The following TBC1D8 variants were observed in gnomAD, a reference collection of about 807,000 sequenced individuals.
TBC1D8 encodes the protein TBC1 domain family member 8.
A neutral mutation model predicts 118.8 loss-of-function variants in TBC1D8; 65 were observed. The ratio of observed to expected loss-of-function variants is 0.55; its 90% CI spans 0.45 to 0.67. The LOEUF (loss-of-function observed/expected upper bound fraction) is 0.67, where lower values mean the gene tolerates loss of function less well. Among genes scored for constraint, TBC1D8 ranks in the 30% least tolerant of loss-of-function variants. TBC1D8 has a pLI of 0.00. For missense variants in TBC1D8, 1,376 were observed against 1,471.2 expected (o/e 0.94, Z 1.06); for synonymous variants, 566 against 595.8 (o/e 0.95, Z 0.73).
chr2:101,086,726 A>T (rs1321896803), intron 2 of TBC1D8, among the ~76,000 whole-genome samples: 1 of 152,232 alleles, frequency 6.6e-6, no homozygotes, highest in African/African-American at 2.4e-5. Flanking sequence ...TTTGGGCCAC[A>T]CATAAAATAC....
At chr2:101,022,634 C>T (rs760834522) in intron 15 of TBC1D8, 113 bp from the exon 16 acceptor site, 223 of 1,408,650 alleles carry the variant, frequency 1.6e-4, no homozygotes, top group Non-Finnish European at 1.9e-4. Context: ...TAACTGGATA[C>T]GTAAAAGTGT....
At chr2:101,027,573 A>G in intron 14 of TBC1D8, 122 bp from the exon 15 acceptor site, 1 of 798,298 alleles carries the variant, frequency 1.3e-6, no homozygotes, top group South Asian at 1.5e-5. Context: ...CTTCTCTCCC[A>G]CAAAGGCTCT....
chr2:101,095,400 C>G lies in TBC1D8; in HGVS notation c.128-5036G>C, dbSNP rs796771496. ...ATATCTCCTAATGCTATCTCCCCCC[C>G]CCTCCCCCCACCCCACAACAGTCCC... On this transcript the variant is annotated intron_variant, in intron 1 of 19. Transcript: ENST00000409318. Among the ~76,000 whole-genome samples the G allele has an allele frequency of 1.5e-4, 20 of 135,072 alleles. 1 individual carries two copies. Among genetic ancestry groups the G allele is most frequent in the Middle Eastern group, 3.6e-3 (1 of 276 alleles). The allele number at this position is 135,072 out of a possible 152,430, so 88.6% of individuals were successfully genotyped here.
At position 101,111,348 on chromosome 2, in the gene TBC1D8, G is replaced by A. The variant is rs560318556; in HGVS notation, c.128-20984C>T. ...ACCATATCACGCAGGATGCTCCGGC[G>A]GTGGCAACCTGAGAAGCTCACCGTT... On this transcript the variant is annotated intron_variant, in intron 1 of 19. Transcript: ENST00000409318. Among the ~76,000 whole-genome samples the A allele has an allele frequency of 3.3e-5, 5 of 152,294 alleles. No individual in the cohort carries two copies. In the South Asian group the frequency reaches 6.2e-4, roughly 19 times the overall value.
chr2:101,064,027 T>C (rs1682897230), intron 2 of TBC1D8, among the ~76,000 whole-genome samples: 1 of 152,142 alleles, frequency 6.6e-6, no homozygotes. Context: ...ACAGCAATGT[T>C]CTCACTGCTG....
intron 2 of TBC1D8, among the ~76,000 whole-genome samples, chr2:101,080,976 G>A (rs902702139): frequency 1.3e-5 from 2 of 151,656 alleles, no homozygotes; most frequent in Non-Finnish European, 2.9e-5. Context: ...GGGTCTCACT[G>A]TGTTGCCCAG....
intron 1 of TBC1D8, among the ~76,000 whole-genome samples, chr2:101,135,914 C>T (rs1392227830): frequency 6.6e-6 from 1 of 152,202 alleles, no homozygotes; most frequent in African/African-American, 2.4e-5. Flanking sequence ...AAGGATCTTA[C>T]TGTCACCCTG....
At chr2:101,054,597 C>T (rs1031592240) in intron 3 of TBC1D8, among the ~76,000 whole-genome samples, 2 of 149,856 alleles carry the variant, frequency 1.3e-5, no homozygotes, top group Admixed American at 1.3e-4. Flanking sequence ...GGCCACTTAC[C>T]GATCATGAGG....
chr2:101,078,798 C>G (rs1675049610), intron 2 of TBC1D8, among the ~76,000 whole-genome samples: 1 of 148,370 alleles, frequency 6.7e-6, no homozygotes, highest in South Asian at 2.1e-4. Flanking sequence ...ATAACTAACT[C>G]CTACCTATGA....
intron 11 of TBC1D8, 190 bp from the exon 12 acceptor site, chr2:101,029,966 A>T (rs545463425): frequency 1.1e-4 from 56 of 532,048 alleles, no homozygotes; most frequent in South Asian, 8.4e-4. Flanking sequence ...TAGCCTTTTT[A>T]AAAAAAATAC....
chr2:101,122,269 C>T (rs1678149252), intron 1 of TBC1D8, among the ~76,000 whole-genome samples: 1 of 149,744 alleles, frequency 6.7e-6, no homozygotes, highest in East Asian at 2.0e-4. Flanking sequence ...AACGGGGTTT[C>T]ACCATATTGG....
At chr2:101,111,498 G>A (rs2104209615) in intron 1 of TBC1D8, among the ~76,000 whole-genome samples, 1 of 152,326 alleles carries the variant, frequency 6.6e-6, no homozygotes, top group South Asian at 2.1e-4. Flanking sequence ...CATTTCAAGG[G>A]CATTGCAAGG....
intron 1 of TBC1D8, among the ~76,000 whole-genome samples, chr2:101,104,443 C>T (rs1294672242): frequency 6.6e-6 from 1 of 152,200 alleles, no homozygotes; most frequent in East Asian, 1.9e-4. Context: ...AGGACTCACA[C>T]TACGCAATTT....
chr2:101,059,603 T>TA (rs1183329248), intron 2 of TBC1D8, 64 bp from the exon 3 acceptor site: 1 of 1,359,972 alleles, frequency 7.4e-7, no homozygotes, highest in East Asian at 2.3e-5. Context: ...CCTAGAACGT[T>TA]AACTCATTTT....
intron 15 of TBC1D8, among the ~76,000 whole-genome samples, chr2:101,024,353 G>A (rs910233361): frequency 6.6e-6 from 1 of 151,768 alleles, no homozygotes; most frequent in Non-Finnish European, 1.5e-5. Flanking sequence ...CTGGGTGGGT[G>A]TGGAGTGTGG....
chr2:101,080,751 T>A (rs1675210542), intron 2 of TBC1D8, among the ~76,000 whole-genome samples: 1 of 152,004 alleles, frequency 6.6e-6, no homozygotes, highest in Non-Finnish European at 1.5e-5. Context: ...AGGGAAGGAT[T>A]GTTTAAACTG....
At chr2:101,123,856 C>G (rs1273092294) in intron 1 of TBC1D8, among the ~76,000 whole-genome samples, 2 of 152,190 alleles carry the variant, frequency 1.3e-5, no homozygotes, top group East Asian at 1.9e-4. Flanking sequence ...CCCTGTGGGT[C>G]AGGGGGCATC....
chr2:101,115,770 A>T (rs1677791958), intron 1 of TBC1D8, among the ~76,000 whole-genome samples: 1 of 151,940 alleles, frequency 6.6e-6, no homozygotes, highest in Non-Finnish European at 1.5e-5. Flanking sequence ...AAGATTCTGG[A>T]TCCTTGAGAC....
Position 101,121,092 on chromosome 2 carries a change from A to G in TBC1D8, c.127+30035T>C, listed in dbSNP as rs913363217. On this transcript the variant is annotated intron_variant, in intron 1 of 19. Transcript: ENST00000409318. The stretch of plus-strand genomic sequence containing the variant: ...CCTAACAGATCCTATGAACGGGCAA[A>G]CCTCCCTCTTTTCTAAGAAAATATA... 2.6e-5 allele frequency among the ~76,000 whole-genome samples: 4 copies of G among 152,138 alleles called. No homozygotes were observed. In the East Asian group the frequency reaches 7.7e-4, roughly 29 times the overall value.
Sources: gnomAD v4.1 joint callset for allele counts (sites outside exome capture counted in the v4.1 genomes callset) on GRCh38, gnomAD v4.1.1 for gene constraint, MANE v1.5 for transcripts, NCBI Gene and HGNC (gene_info 2026-07-23, HGNC 2026-07-21) for gene names.